Variants in STK4 observed in about 807,000 individuals in gnomAD.
STK4 encodes serine/threonine kinase 4, also known as serine/threonine-protein kinase 4.
In STK4, 30 loss-of-function variants were observed where a neutral mutation model predicts 64.9. That is an observed-to-expected ratio of 0.46 (90% confidence interval 0.35 to 0.63). STK4 has a LOEUF of 0.63. Ranked by LOEUF, STK4 falls within the 20% of genes least tolerant of loss-of-function variation. The probability of loss-of-function intolerance (pLI) is 0.01; values close to 1 mark genes in which losing one functional copy is unlikely to be tolerated. For synonymous variants in STK4, 177 were observed against 199.0 expected (o/e 0.89, Z 0.93); for missense variants, 466 against 598.5 (o/e 0.78, Z 2.31).
chr20:45,066,762 A>G (rs6017480), intron 10 of STK4, among the ~76,000 whole-genome samples: 2,933 of 152,328 alleles, frequency 0.019, 105 homozygotes, highest in African/African-American at 0.067. Context: ...GAGAAGAATT[A>G]GGAAGACTTT....
At chr20:44,987,415 G>A (rs1161435527) in intron 5 of STK4, 119 bp downstream of exon 5, 1 of 1,017,222 alleles carries the variant, frequency 9.8e-7, no homozygotes, top group Non-Finnish European at 1.4e-6. Context: ...AAAAATCACA[G>A]AATCTGCCAA....
chr20:45,008,130 C>G (rs113192374), intron 9 of STK4, among the ~76,000 whole-genome samples: 2,879 of 152,314 alleles, frequency 0.019, 82 homozygotes, highest in African/African-American at 0.065. Context: ...CCTCGACTCA[C>G]TGCAACCTCT....
At position 45,080,000 on chromosome 20, in the gene STK4, T is replaced by G. The variant is rs1980782559; in HGVS notation, c.*4824T>G. 6.6e-6 allele frequency: 1 copy of G among 152,240 alleles called. No individual in the cohort carries two copies. Among genetic ancestry groups the G allele is most frequent in the South Asian group, 2.1e-4 (1 of 4,830 alleles). The allele number at this position is 152,240 out of a possible 1,614,324, so 9.4% of individuals were successfully genotyped here. A position where few individuals can be genotyped will look rare whatever the true frequency, so the allele number is the denominator to read the frequency against. On this transcript the variant is annotated 3_prime_UTR_variant, in exon 11 of 11. Transcript: ENST00000372806. ...ATATATAGCCTGGATAATGGTGTTG[T>G]GAACAATCTTTGTGACATTGACTCA...
chr20:45,064,200 T>C (rs1378854441), intron 10 of STK4, among the ~76,000 whole-genome samples: 1 of 152,198 alleles, frequency 6.6e-6, no homozygotes, highest in Non-Finnish European at 1.5e-5. Flanking sequence ...CCATTGCTTG[T>C]TTTTGTCAGC....
intron 10 of STK4, chr20:45,053,252 G>A (rs919030765): frequency 1.9e-4 from 250 of 1,318,010 alleles, no homozygotes; most frequent in Non-Finnish European, 2.5e-4. Flanking sequence ...TAGCTGATTT[G>A]AGCTGGGTTT....
intron 5 of STK4, among the ~76,000 whole-genome samples, chr20:44,989,759 T>C (rs1394976878): frequency 6.6e-6 from 1 of 152,226 alleles, no homozygotes; most frequent in Non-Finnish European, 1.5e-5. Flanking sequence ...GAGTTAGTTT[T>C]CATGGTGTGA....
intron 10 of STK4, among the ~76,000 whole-genome samples, chr20:45,056,215 A>G (rs117908410): frequency 0.022 from 3,368 of 152,328 alleles, 67 homozygotes; most frequent in Non-Finnish European, 0.033. Flanking sequence ...TAATAGAAAT[A>G]TACAGTTGTA....
chr20:45,026,233 C>A (rs865775188), intron 10 of STK4, among the ~76,000 whole-genome samples: 1 of 145,036 alleles, frequency 6.9e-6, no homozygotes, highest in African/African-American at 2.6e-5. Context: ...TCATTCTAGG[C>A]GAAGGAAAAT....
intron 5 of STK4, among the ~76,000 whole-genome samples, chr20:44,991,259 G>T (rs1293014667): frequency 2.0e-5 from 3 of 152,112 alleles, no homozygotes; most frequent in African/African-American, 7.2e-5. Context: ...TGGATGTTGG[G>T]TGCCCATTAA....
chr20:45,074,913 C>T, intron 10 of STK4, 105 bp from the exon 11 acceptor site: 1 of 1,387,294 alleles, frequency 7.2e-7, no homozygotes, highest in Non-Finnish European at 1.0e-6. Context: ...ACAGTGTCTT[C>T]CTCCTGTCTC....
At chr20:45,032,465 TC>T (rs1000909469) in intron 10 of STK4, among the ~76,000 whole-genome samples, 15 of 152,146 alleles carry the variant, frequency 9.9e-5, no homozygotes, top group African/African-American at 3.6e-4. Flanking sequence ...ATTGTTCTGT[TC>T]TTTGTGTCCA....
chr20:45,054,437 A>G (rs2145444735), intron 10 of STK4, among the ~76,000 whole-genome samples: 1 of 152,128 alleles, frequency 6.6e-6, no homozygotes, highest in East Asian at 1.9e-4. Flanking sequence ...GGTGGTGCCC[A>G]CCTGTAGTCC....
chr20:44,966,734 A>AGG, intron 1 of STK4, 131 bp downstream of exon 1: 1 of 1,044,270 alleles, frequency 9.6e-7, no homozygotes. Flanking sequence ...CTGCTGAGTG[A>AGG]GGGGGGGGAC....
At chr20:45,068,426 G>A (rs1213143513) in intron 10 of STK4, among the ~76,000 whole-genome samples, 1 of 152,112 alleles carries the variant, frequency 6.6e-6, no homozygotes, top group Non-Finnish European at 1.5e-5. Flanking sequence ...GTAGGCACTT[G>A]GTGCCTACTA....
intron 5 of STK4, among the ~76,000 whole-genome samples, chr20:44,987,631 A>C (rs180851987): frequency 6.6e-6 from 1 of 152,318 alleles, no homozygotes; most frequent in Non-Finnish European, 1.5e-5. Flanking sequence ...TCCTTGACTA[A>C]GACATAACAT....
At chr20:45,051,101 A>T (rs1249141342) in intron 10 of STK4, among the ~76,000 whole-genome samples, 1 of 151,792 alleles carries the variant, frequency 6.6e-6, no homozygotes, top group Non-Finnish European at 1.5e-5. Context: ...GGCTTTTAAA[A>T]CCTCTAGAAA....
At chr20:44,998,514 C>A (rs1253604875) in intron 7 of STK4, among the ~76,000 whole-genome samples, 1 of 152,076 alleles carries the variant, frequency 6.6e-6, no homozygotes, top group Non-Finnish European at 1.5e-5. Flanking sequence ...CCCAGTGCCC[C>A]CTTTTTATAA....
intron 8 of STK4, 94 bp downstream of exon 8, chr20:45,000,614 A>G (rs555580180): frequency 6.4e-6 from 10 of 1,550,760 alleles, no homozygotes; most frequent in Admixed American, 1.9e-5. Context: ...TATTGGATCA[A>G]CTTGGAGCTG....
intron 10 of STK4, among the ~76,000 whole-genome samples, chr20:45,029,063 G>T (rs947598992): frequency 2.0e-5 from 3 of 151,950 alleles, no homozygotes; most frequent in Non-Finnish European, 4.4e-5. Flanking sequence ...TGTCCTATAC[G>T]GTGTTTAAAT....
Sources: allele counts gnomAD v4.1 joint callset (sites outside exome capture counted in the v4.1 genomes callset), GRCh38; gene constraint gnomAD v4.1.1; transcripts MANE v1.5; gene names NCBI Gene and HGNC (gene_info 2026-07-23, HGNC 2026-07-21).